The following CACNG7 variants were observed in gnomAD, a reference collection of about 807,000 sequenced individuals.
The protein encoded by CACNG7 is calcium voltage-gated channel auxiliary subunit gamma 7, also known as voltage-dependent calcium channel gamma-7 subunit.
A neutral mutation model predicts 26.3 loss-of-function variants in CACNG7; 9 were observed. That is an observed-to-expected ratio of 0.34 (90% confidence interval 0.21 to 0.60). The LOEUF (loss-of-function observed/expected upper bound fraction) is 0.60, where lower values mean the gene tolerates loss of function less well. CACNG7 is among the 20% of genes least tolerant of loss of function. CACNG7 has a pLI of 0.81. For synonymous variants in CACNG7, 170 were observed against 157.0 expected (o/e 1.08, Z -0.62); for missense variants, 297 against 380.4 (o/e 0.78, Z 1.82).
intron 4 of CACNG7, among the ~76,000 whole-genome samples, chr19:53,916,681 A>T (rs2068901012): frequency 2.1e-5 from 3 of 142,976 alleles, no homozygotes; most frequent in South Asian, 4.4e-4. Flanking sequence ...TTTTTTTTTA[A>T]TAGAGACGGG....
intron 4 of CACNG7, among the ~76,000 whole-genome samples, chr19:53,919,917 G>A (rs1345351222): frequency 1.5e-5 from 2 of 134,796 alleles, no homozygotes; most frequent in Non-Finnish European, 3.1e-5. Flanking sequence ...GGTCATTGGT[G>A]GAGTTGTCCC....
chr19:53,934,223 T>A (rs2069091233), intron 4 of CACNG7, among the ~76,000 whole-genome samples: 1 of 152,210 alleles, frequency 6.6e-6, no homozygotes, highest in South Asian at 2.1e-4. Flanking sequence ...TGTTTCTTCA[T>A]GGTAACACTT....
At chr19:53,933,695 A>G (rs889586132) in intron 4 of CACNG7, among the ~76,000 whole-genome samples, 3 of 148,306 alleles carry the variant, frequency 2.0e-5, no homozygotes, top group African/African-American at 7.5e-5. Context: ...CACTTTATAC[A>G]TAGGTGGTGC....
chr19:53,941,213 C>T (rs761275524), intron 4 of CACNG7, among the ~76,000 whole-genome samples: 1 of 152,194 alleles, frequency 6.6e-6, no homozygotes, highest in Non-Finnish European at 1.5e-5. Context: ...TTATATGTGA[C>T]TTAATCAGTG....
intron 2 of CACNG7, among the ~76,000 whole-genome samples, chr19:53,913,785 T>TAAAAAAAAAAAA (rs58238779): frequency 1.1e-5 from 1 of 94,034 alleles, no homozygotes; most frequent in Non-Finnish European, 2.1e-5. Flanking sequence ...CCCAGTCTCT[T>TAAAAAAAAAAAA]AAAAAAAAAA....
At chr19:53,937,864 T>C (rs940793419) in intron 4 of CACNG7, among the ~76,000 whole-genome samples, 2 of 152,060 alleles carry the variant, frequency 1.3e-5, no homozygotes, top group African/African-American at 4.8e-5. Context: ...GTGCTGGGAT[T>C]ACAGGCTTAA....
chr19:53,921,567 T>C (rs1465159808), intron 4 of CACNG7, among the ~76,000 whole-genome samples: 2 of 124,878 alleles, frequency 1.6e-5, no homozygotes, highest in Non-Finnish European at 3.2e-5. Flanking sequence ...AGGCTGGTCA[T>C]TGGTGGAGTT....
chr19:53,923,663 T>C (rs1297810179), intron 4 of CACNG7, among the ~76,000 whole-genome samples: 42 of 132,132 alleles, frequency 3.2e-4, no homozygotes, highest in East Asian at 1.5e-3. Context: ...TTGCCCCAGG[T>C]CTGGTCATTG....
At chr19:53,929,893 G>T (rs762791512) in intron 4 of CACNG7, among the ~76,000 whole-genome samples, 1 of 152,130 alleles carries the variant, frequency 6.6e-6, no homozygotes, top group African/African-American at 2.4e-5. Context: ...TGTTCCAGCT[G>T]CATAGCAAGT....
chr19:53,935,015 ATATACACATATATG>A (rs2069096348), intron 4 of CACNG7, among the ~76,000 whole-genome samples: 1 of 151,984 alleles, frequency 6.6e-6, no homozygotes, highest in South Asian at 2.1e-4. Context: ...ATATAGATCT[ATATACACATATATG>A]TATACACATA....
intron 4 of CACNG7, among the ~76,000 whole-genome samples, chr19:53,926,587 T>C (rs2069032612): frequency 6.6e-6 from 1 of 152,196 alleles, no homozygotes; most frequent in African/African-American, 2.4e-5. Context: ...CATTTGTTTT[T>C]TGTCTTCTTG....
At chr19:53,923,268 T>C (rs2068981092) in intron 4 of CACNG7, among the ~76,000 whole-genome samples, 1 of 94,014 alleles carries the variant, frequency 1.1e-5, no homozygotes, top group Non-Finnish European at 2.1e-5. Flanking sequence ...GGTCTGGTCA[T>C]TGGTGCAGTT....
rs1600004362 is a variant in CACNG7, at chr19:53,940,679, T to G, written c.425-791T>G. 1.3e-5 allele frequency among the ~76,000 whole-genome samples: 2 copies of G among 152,062 alleles called. No homozygotes were observed. Among genetic ancestry groups the G allele is most frequent in the African/African-American group, 4.8e-5 (2 of 41,406 alleles). On this transcript the variant is annotated intron_variant, in intron 4 of 5. Coordinates refer to ENST00000391767, the MANE Select transcript of CACNG7 (RefSeq NM_031896.5). This position sits in a 1 kb window ranked among gnomAD's most constrained non-coding sequence, Gnocchi z 4.1. ...ACAGCTTATGTTACAGCTACATGGG[T>G]GGACCAGCTCTATTTTCCCTCCTTC...
intron 4 of CACNG7, among the ~76,000 whole-genome samples, chr19:53,929,479 T>C (rs2069056887): frequency 6.6e-6 from 1 of 152,156 alleles, no homozygotes; most frequent in Non-Finnish European, 1.5e-5. Flanking sequence ...TTTTTTGAGA[T>C]GGAGTCTCGC....
rs1162937277 is a variant in CACNG7, at chr19:53,939,031, C to T, written c.425-2439C>T. The stretch of plus-strand genomic sequence containing the variant: ...CAGCACTTTGGGAGGCCAAGGTGGG[C>T]AGATCACTTAAGGTCAGGAGTTTGA... On this transcript the variant is annotated intron_variant, in intron 4 of 5. Coordinates refer to ENST00000391767, the MANE Select transcript of CACNG7 (RefSeq NM_031896.5). This position sits in a 1 kb window ranked among gnomAD's most constrained non-coding sequence, Gnocchi z 4.2. Among the ~76,000 whole-genome samples, 1 of 151,968 alleles carries T rather than the reference C, an allele frequency of 6.6e-6. No individual in the cohort carries two copies. Among genetic ancestry groups the T allele is most frequent in the African/African-American group, 2.4e-5 (1 of 41,378 alleles).
chr19:53,916,491 T>C (rs113490526), intron 4 of CACNG7, among the ~76,000 whole-genome samples: 2,154 of 102,972 alleles, frequency 0.021, 61 homozygotes, highest in Non-Finnish European at 0.033. Flanking sequence ...TTCTTTCTTT[T>C]TTTTTTTTTT....
At chr19:53,941,678 C>T (rs768884421) in intron 5 of CACNG7, 63 bp downstream of exon 5, 1 of 1,562,630 alleles carries the variant, frequency 6.4e-7, no homozygotes, top group Non-Finnish European at 8.7e-7. Flanking sequence ...GGGCCTGGTT[C>T]CTGAGTCCAG....
intron 4 of CACNG7, among the ~76,000 whole-genome samples, chr19:53,923,811 G>A (rs1011485422): frequency 9.0e-6 from 1 of 110,936 alleles, no homozygotes; most frequent in African/African-American, 4.4e-5. Context: ...GGTCATTGGT[G>A]GAGTTGCCCC....
At chr19:53,935,141 G>T (rs2145917849) in intron 4 of CACNG7, among the ~76,000 whole-genome samples, 1 of 151,896 alleles carries the variant, frequency 6.6e-6, no homozygotes, top group South Asian at 2.1e-4. Flanking sequence ...TACACACATT[G>T]GTGCAACCAC....
Sources: gnomAD v4.1 joint callset for allele counts (sites outside exome capture counted in the v4.1 genomes callset) on GRCh38, gnomAD v4.1.1 for gene constraint, Gnocchi (gnomAD v3.1) non-coding constraint, MANE v1.5 for transcripts, NCBI Gene and HGNC (gene_info 2026-07-23, HGNC 2026-07-21) for gene names.